The following ULK2 variants were observed in gnomAD, a reference collection of about 807,000 sequenced individuals.
ULK2 encodes unc-51 like autophagy activating kinase 2.
A neutral mutation model predicts 127.5 loss-of-function variants in ULK2; 76 were observed. The ratio of observed to expected loss-of-function variants is 0.60; its 90% CI spans 0.50 to 0.72. The LOEUF is 0.72. ULK2 is among the 30% of genes least tolerant of loss of function. The pLI is 0.00. For missense variants in ULK2, 1,144 were observed against 1,295.9 expected (o/e 0.88, Z 1.80); for synonymous variants, 452 against 461.9 (o/e 0.98, Z 0.28).
chr17:19,822,756 A>G (rs1222729714), intron 12 of ULK2, among the ~76,000 whole-genome samples: 2 of 150,660 alleles, frequency 1.3e-5, no homozygotes, highest in Non-Finnish European at 3.0e-5. Flanking sequence ...GAGCGATCTT[A>G]GCTCACTGCA....
intron 13 of ULK2, among the ~76,000 whole-genome samples, chr17:19,815,256 G>GT (rs1684062543): frequency 6.6e-6 from 1 of 150,756 alleles, no homozygotes; most frequent in Admixed American, 6.6e-5. Flanking sequence ...ATTTTTTTTT[G>GT]TTTGTTTTTT....
intron 14 of ULK2, among the ~76,000 whole-genome samples, chr17:19,810,134 G>A (rs1567693195): frequency 6.6e-6 from 1 of 151,572 alleles, no homozygotes; most frequent in Non-Finnish European, 1.5e-5. Context: ...GGGAGGCTGA[G>A]GCAGGAGAAT....
rs2086857259 is a variant in ULK2, at chr17:19,778,669, A to C, written c.2917-953T>G. ...GGGGTCTCGCTCTGTTGCCTAGACT[A>C]ATCTTGAACTCCTGAGCTCAAGCAA... On this transcript the variant is annotated intron_variant, in intron 25 of 26. Coordinates refer to ENST00000395544, the MANE Select transcript of ULK2 (RefSeq NM_014683.4). Among the ~76,000 whole-genome samples the C allele has an allele frequency of 5.9e-5, 9 of 152,158 alleles. No homozygotes were observed. The South Asian group carries it at 1.9e-3, about 32-fold the overall frequency.
rs1420035397 is a variant in ULK2 at position 19,838,502 on chromosome 17, A to G, written c.786T>C (p.Phe262=). 1.9e-6 allele frequency: 3 copies of G among 1,607,666 alleles called. No homozygotes were observed. The highest frequency in any genetic ancestry group is 2.5e-6 in the Non-Finnish European group (3 of 1,177,782). The stretch of plus-strand genomic sequence containing the variant: ...GCAAAAGTTAAAACTATTTCTTACC[A>G]AAGTCCATTCTATCTTTTTGGTTTC... The part of the protein sequence containing the change: ...LQRNQKDRMD[F]EAFFSHPFLE... The change falls in exon 10 of 27, where the codon TTT becomes TTC. Residue 262 remains phenylalanine (F), a splice_region_variant and synonymous_variant. Coordinates refer to ENST00000395544, the MANE Select transcript of ULK2 (RefSeq NM_014683.4).
chr17:19,781,237 CTTTT>C (rs779658941), intron 23 of ULK2, 133 bp from the exon 24 acceptor site: 27 of 530,012 alleles, frequency 5.1e-5, no homozygotes, highest in African/African-American at 1.2e-4. Flanking sequence ...TTTCTTCTTT[CTTTT>C]CTTTTTTTTT....
rs2086840236 is a variant in ULK2 at position 19,777,805 on chromosome 17, C to T, written c.2917-89G>A. 2.2e-5 allele frequency: 32 copies of T among 1,459,158 alleles called. No individual in the cohort carries two copies. In the South Asian group the frequency reaches 4.2e-4, roughly 19 times the overall value. 90.4% of individuals were successfully genotyped at this position (1,459,158 alleles called of 1,614,324 possible). A position where few individuals can be genotyped will look rare whatever the true frequency, so the allele number is the denominator to read the frequency against. ...GCAATGAAGCTTTAAATGGAATCCA[C>T]CTAAAATTAACACATTTTGGTAAAG... On this transcript the variant is annotated intron_variant, in intron 25 of 26. Coordinates refer to ENST00000395544, the MANE Select transcript of ULK2 (RefSeq NM_014683.4).
At chr17:19,776,981 C>T (rs2086823457) in intron 26 of ULK2, among the ~76,000 whole-genome samples, 1 of 152,184 alleles carries the variant, frequency 6.6e-6, no homozygotes, top group Non-Finnish European at 1.5e-5. Flanking sequence ...CACCTGTAAT[C>T]CTCACAACAA....
intron 10 of ULK2, among the ~76,000 whole-genome samples, chr17:19,837,324 G>A (rs1036700559): frequency 6.6e-6 from 1 of 151,954 alleles, no homozygotes; most frequent in Non-Finnish European, 1.5e-5. Flanking sequence ...GGAGGCTGAG[G>A]TGGGAGGATC....
Position 19,865,792 on chromosome 17 carries a change from T to C in ULK2, c.127A>G (p.Lys43Glu). The C allele has an allele frequency of 6.4e-7, 1 of 1,566,678 alleles. No homozygotes were observed. The highest frequency in any genetic ancestry group is 8.7e-7 in the Non-Finnish European group (1 of 1,144,296). ...DWEVAIKSIN[K>E]KNLSKSQILL... ...ATTTGTGATTTTGACAAGTTCTTTT[T>C]ATTAATACTTTTAATAGCTACCTCC... Residue 43 changes from lysine to glutamate, a missense_variant, in exon 2 of 27, where the codon AAA (lysine) becomes GAA (glutamate). Lys to Glu is a moderately conservative substitution (Grantham distance 56). Coordinates refer to ENST00000395544, the MANE Select transcript of ULK2 (RefSeq NM_014683.4).
chr17:19,778,952 T>G (rs191046958), intron 25 of ULK2, among the ~76,000 whole-genome samples: 167 of 152,324 alleles, frequency 1.1e-3, no homozygotes, highest in African/African-American at 3.0e-3. Context: ...AAAAACAGCA[T>G]TATAATTCCA....
At chr17:19,832,084 C>T (rs190766770) in intron 10 of ULK2, among the ~76,000 whole-genome samples, 106 of 149,344 alleles carry the variant, frequency 7.1e-4, no homozygotes, top group African/African-American at 2.6e-3. Context: ...GCCAAGATGA[C>T]GCCACTGCAC....
intron 20 of ULK2, among the ~76,000 whole-genome samples, chr17:19,789,910 C>CAAAAAAAAAAAAAAAAAAAAAAA: frequency 1.7e-5 from 1 of 57,668 alleles, no homozygotes; most frequent in Non-Finnish European, 4.4e-5. Context: ...AAAAAGCTGC[C>CAAAAAAAAAAAAAAAAAAAAAAA]AAAAAAAAAA....
At chr17:19,784,141 C>A (rs1238104926) in intron 21 of ULK2, 4 of 359,192 alleles carry the variant, frequency 1.1e-5, no homozygotes, top group Non-Finnish European at 2.0e-5. Flanking sequence ...TTTTTTTATA[C>A]TCTGTTTTAA....
chr17:19,783,551 G>T, intron 22 of ULK2, 146 bp downstream of exon 22: 1 of 761,736 alleles, frequency 1.3e-6, no homozygotes, highest in Non-Finnish European at 1.9e-6. Flanking sequence ...AATTTAAAAA[G>T]ACATCAGCAA....
intron 10 of ULK2, among the ~76,000 whole-genome samples, chr17:19,834,681 G>C (rs2041547078): frequency 6.6e-6 from 1 of 152,118 alleles, no homozygotes; most frequent in Non-Finnish European, 1.5e-5. Flanking sequence ...GGAGGCCGAG[G>C]CAGGATGTGC....
intron 6 of ULK2, 66 bp from the exon 7 acceptor site, chr17:19,845,443 T>C: frequency 8.1e-7 from 1 of 1,233,818 alleles, no homozygotes; most frequent in Non-Finnish European, 1.2e-6. Flanking sequence ...ATATATCATA[T>C]GATTCTTCGA....
At chr17:19,841,421 C>T in intron 9 of ULK2, 68 bp downstream of exon 9, 1 of 1,419,964 alleles carries the variant, frequency 7.0e-7, no homozygotes, top group Non-Finnish European at 9.6e-7. Context: ...ATACACAAAA[C>T]ACAAACAGTT....
At position 19,821,149 on chromosome 17, in the gene ULK2, A is replaced by T. The variant is rs781332680; in HGVS notation, c.924+3945T>A. On this transcript the variant is annotated intron_variant, in intron 12 of 26. Coordinates refer to ENST00000395544, the MANE Select transcript of ULK2 (RefSeq NM_014683.4). ...TGGCGAAACCCCATCTCTACTAAAA[A>T]TACAAAAATTACCCAGAAGTGGTGG... Among the ~76,000 whole-genome samples, 84 of 152,164 alleles carry T rather than the reference A, an allele frequency of 5.5e-4. 1 individual carries two copies. Among genetic ancestry groups the T allele is most frequent in the Non-Finnish European group, 7.8e-4 (53 of 68,034 alleles).
rs1159420671 is a variant in ULK2 at position 19,771,502 on chromosome 17, C to T, written c.*4847G>A. 6.6e-6 allele frequency: 1 copy of T among 152,350 alleles called. No individual in the cohort carries two copies. Among genetic ancestry groups the T allele is most frequent in the East Asian group, 1.9e-4 (1 of 5,194 alleles). 9.4% of individuals were successfully genotyped at this position (152,350 alleles called of 1,614,324 possible). ...GAAGACAGGCCTTGCCCCACACAAA[C>T]ACAGAACAAATTGTTCTCCACCCCC... On this transcript the variant is annotated 3_prime_UTR_variant, in exon 27 of 27. Transcript: ENST00000395544.
Sources: allele counts gnomAD v4.1 joint callset (sites outside exome capture counted in the v4.1 genomes callset), GRCh38; gene constraint gnomAD v4.1.1; transcripts MANE v1.5; gene names NCBI Gene and HGNC (gene_info 2026-07-23, HGNC 2026-07-21).